Variants in MAST1 observed in about 807,000 individuals in gnomAD.
MAST1 encodes microtubule associated serine/threonine kinase 1.
Under a neutral mutation model 124.6 loss-of-function variants are expected in MAST1, and 40 were observed. The ratio of observed to expected loss-of-function variants is 0.32; its 90% CI spans 0.25 to 0.42. MAST1 has a LOEUF of 0.42. Ranked by LOEUF, MAST1 falls within the 10% of genes least tolerant of loss-of-function variation. MAST1 has a pLI of 1.00. For missense variants in MAST1, 1,558 were observed against 2,181.9 expected (o/e 0.71, Z 5.70); for synonymous variants, 938 against 939.4 (o/e 1.00, Z 0.03).
At position 12,866,777 on chromosome 19, in the gene MAST1, G is replaced by T; in HGVS notation, c.2139+15G>T. On this transcript the variant is annotated intron_variant, in intron 18 of 25. Coordinates refer to ENST00000251472, the MANE Select transcript of MAST1 (RefSeq NM_014975.3). This position sits in a 1 kb window ranked among gnomAD's most constrained non-coding sequence, Gnocchi z 5.2. ...GCTTCAGCAAGGTGGGCCAAGTCTG[G>T]GTGTGGGACAGGGCGAGACCCCAGG... is the stretch of plus-strand genomic sequence containing the variant. 6.2e-7 allele frequency: 1 copy of T among 1,605,644 alleles called. No individual in the cohort carries two copies. The highest frequency in any genetic ancestry group is 1.3e-5 in the African/African-American group (1 of 74,784).
Position 12,865,843 on chromosome 19 carries a change from G to A in MAST1, c.1906+25G>A, listed in dbSNP as rs1568413451. 3 of 1,607,426 alleles carry A rather than the reference G, an allele frequency of 1.9e-6. No individual in the cohort carries two copies. Among genetic ancestry groups the A allele is most frequent in the Admixed American group, 1.7e-5 (1 of 59,492 alleles). On this transcript the variant is annotated intron_variant, in intron 16 of 25. Transcript: ENST00000251472. This position sits in a 1 kb window ranked among gnomAD's most constrained non-coding sequence, Gnocchi z 7.1. Reference sequence around the variant, plus strand: ...GGTAAGTCCGCCATGCAGAGGAGCTGAGGGCCCACTGATAGAGAGCAGGCC... The same window carrying A: ...GGTAAGTCCGCCATGCAGAGGAGCTAAGGGCCCACTGATAGAGAGCAGGCC...
chr19:12,865,375 G>A lies in MAST1; in HGVS notation c.1698G>A (p.Lys566=), dbSNP rs1484325796. 5.6e-6 allele frequency: 9 copies of A among 1,612,064 alleles called. No individual in the cohort carries two copies. Among genetic ancestry groups the A allele is most frequent in the Non-Finnish European group, 7.6e-6 (9 of 1,179,020 alleles). The change falls in exon 15 of 26, where the codon AAG becomes AAA. Residue 566 remains lysine, a synonymous_variant. Coordinates refer to ENST00000251472, the MANE Select transcript of MAST1 (RefSeq NM_014975.3). This position sits in a 1 kb window ranked among gnomAD's most constrained non-coding sequence, Gnocchi z 7.1. ...TCATCCTGCGTCAAGGCTACGGCAA[G>A]CCAGTGGACTGGTGGGCTATGGGGA... ...PEVILRQGYG[K]PVDWWAMGII... is the part of the protein sequence containing the mutation.
chr19:12,853,871 AAAT>A (rs58815071), intron 10 of MAST1, among the ~76,000 whole-genome samples: 30,301 of 142,636 alleles, frequency 0.21, 3,739 homozygotes, highest in Non-Finnish European at 0.28. Context: ...CTCTGTCTCA[AAAT>A]AATAATAATA....
rs1403100631 is a variant in MAST1, at chr19:12,858,419, CT to C, written c.1136del (p.Leu379ProfsTer2). 4 of 1,613,868 alleles carry C rather than the reference CT, an allele frequency of 2.5e-6. No homozygotes were observed. The highest frequency in any genetic ancestry group is 3.4e-6 in the Non-Finnish European group (4 of 1,179,992). Reference sequence around the variant, plus strand: ...GGAGAATGACTTCGATACCATCAAGCTCATAAGCAACGGTGCCTACGGGTGA... The same window carrying C: ...GGAGAATGACTTCGATACCATCAAGCCATAAGCAACGGTGCCTACGGGTGA... ...PGENDFDTIKLISNGAYGAVY... is the reference protein window; with the variant it reads ...PGENDFDTIKXISNGAYGAVY... On this transcript the variant is annotated frameshift_variant, in exon 11 of 26. Transcript: ENST00000251472. LOFTEE classifies it high-confidence loss of function.
chr19:12,856,589 G>A (rs1445271592), intron 10 of MAST1, among the ~76,000 whole-genome samples: 1 of 152,146 alleles, frequency 6.6e-6, no homozygotes, highest in Non-Finnish European at 1.5e-5. Flanking sequence ...GCAGGTGTGA[G>A]CCACCACACC....
chr19:12,852,985 T>A (rs1211141671), intron 10 of MAST1, among the ~76,000 whole-genome samples: 1 of 151,792 alleles, frequency 6.6e-6, no homozygotes, highest in Non-Finnish European at 1.5e-5. Flanking sequence ...TTATTTATTT[T>A]TTGAGATGGA....
At position 12,868,103 on chromosome 19, in the gene MAST1, A is replaced by ATTTTTTTTTTTT. The variant is rs34988246; in HGVS notation, c.2566+138_2566+149dup. ...GGTCCTATTCACATTGCAATTTGGG[A>ATTTTTTTTTTTT]TTTTTTTTTTTTTTTTTTTTTTTGA... On this transcript the variant is annotated intron_variant, in intron 20 of 25. Transcript: ENST00000251472. 1,228 of 321,902 alleles carry ATTTTTTTTTTTT rather than the reference A, an allele frequency of 3.8e-3. 99 individuals carry two copies. Among genetic ancestry groups the ATTTTTTTTTTTT allele is most frequent in the African/African-American group, 0.02 (486 of 23,760 alleles). The allele number at this position is 321,902 out of a possible 1,614,324, so 19.9% of individuals were successfully genotyped here.
intron 12 of MAST1, among the ~76,000 whole-genome samples, chr19:12,860,484 C>T (rs1970067285): frequency 1.5e-5 from 2 of 129,470 alleles, no homozygotes; most frequent in African/African-American, 2.9e-5. Flanking sequence ...CTTGCTCTGT[C>T]ACCAGGCTCG....
At position 12,838,845 on chromosome 19, in the gene MAST1, G is replaced by T. The variant is rs1482494112; in HGVS notation, c.83+190G>T. ...TGGGCCGAGTCTGGGGGGCTTGCAC[G>T]CTGGAGAGGACGGCCGCGGGGGGAG... On this transcript the variant is annotated intron_variant, in intron 1 of 25. Coordinates refer to ENST00000251472, the MANE Select transcript of MAST1 (RefSeq NM_014975.3). This position sits in a 1 kb window ranked among gnomAD's most constrained non-coding sequence, Gnocchi z 4.3. Among the ~76,000 whole-genome samples the T allele has an allele frequency of 6.6e-6, 1 of 151,462 alleles. No homozygotes were observed. The highest frequency in any genetic ancestry group is 6.6e-5 in the Admixed American group (1 of 15,218).
chr19:12,869,425 G>A, intron 22 of MAST1, 130 bp downstream of exon 22: 5 of 703,382 alleles, frequency 7.1e-6, no homozygotes, highest in Non-Finnish European at 1.2e-5. Context: ...CTCTAAACCT[G>A]TTTCTTTTTT....
chr19:12,845,411 C>CAAAAAAAAAA lies in MAST1; in HGVS notation c.327+1818_327+1827dup, dbSNP rs540488398. Among the ~76,000 whole-genome samples the CAAAAAAAAAA allele has an allele frequency of 4.0e-3, 273 of 69,082 alleles. 16 individuals carry two copies. Among genetic ancestry groups the CAAAAAAAAAA allele is most frequent in the East Asian group, 0.03 (57 of 1,910 alleles). The allele number at this position is 69,082 out of a possible 152,430, so 45.3% of individuals were successfully genotyped here. A position where few individuals can be genotyped will look rare whatever the true frequency, so the allele number is the denominator to read the frequency against. ...GCAACGTGATGAAACCCTGTTTCTA[C>CAAAAAAAAAA]AAAAAAAAAAAAAAAAAAAAAAATT... On this transcript the variant is annotated intron_variant, in intron 4 of 25. Coordinates refer to ENST00000251472, the MANE Select transcript of MAST1 (RefSeq NM_014975.3).
rs774442340 is a variant in MAST1 at position 12,843,487 on chromosome 19, G to T, written c.249-42G>T. ...CCACACCCTGAGGAGTTGGGGGACCGCTGGGGCCTTGTGGCCTCTGAGCAC... is the reference window on the plus strand; with the variant it reads ...CCACACCCTGAGGAGTTGGGGGACCTCTGGGGCCTTGTGGCCTCTGAGCAC... On this transcript the variant is annotated intron_variant, in intron 3 of 25. Coordinates refer to ENST00000251472, the MANE Select transcript of MAST1 (RefSeq NM_014975.3). The surrounding 1 kb of genome is among the most constrained non-coding windows in gnomAD (Gnocchi z 4.9). The T allele has an allele frequency of 3.0e-5, 47 of 1,553,354 alleles. 2 individuals are homozygous for T. In the South Asian group the frequency reaches 4.9e-4, roughly 16 times the overall value.
At position 12,858,678 on chromosome 19, in the gene MAST1, C is replaced by A; in HGVS notation, c.1305C>A (p.Val435=). 6.2e-7 allele frequency: 1 copy of A among 1,614,202 alleles called. No homozygotes were observed. The highest frequency in any genetic ancestry group is 8.5e-7 in the Non-Finnish European group (1 of 1,180,048). Residue 435 remains valine (V), a synonymous_variant, in exon 12 of 26, where the codon GTC becomes GTA. Transcript: ENST00000251472. ...CCTTCGCCGAGAACCCGTTTGTGGTCGGCATGTTCTGCTCCTTTGAGACTC... is the reference window on the plus strand; with the variant it reads ...CCTTCGCCGAGAACCCGTTTGTGGTAGGCATGTTCTGCTCCTTTGAGACTC... The part of the protein sequence containing the change: ...ILTFAENPFV[V]GMFCSFETRR...
At position 12,866,685 on chromosome 19, in the gene MAST1, T is replaced by C. The variant is rs1322915859; in HGVS notation, c.2062T>C (p.Tyr688His). Reference protein sequence around the residue: ...RSDRYHHVNSYDEDDTTEEEP... With the variant: ...RSDRYHHVNSHDEDDTTEEEP... ...AGACAGGTATCACCACGTGAACTCC[T>C]ATGACGAGGATGACACGACGGAGGA... Residue 688 changes from tyrosine to histidine, a missense_variant, in exon 18 of 26, where the codon TAT (tyrosine) becomes CAT (histidine). By Grantham distance (83) the Tyr-to-His change is moderately conservative (BLOSUM62 2). This residue lies in a region of MAST1 where 287 missense variants were observed against 308.0 expected (regional missense o/e 0.93). Transcript: ENST00000251472. The surrounding 1 kb of genome is among the most constrained non-coding windows in gnomAD (Gnocchi z 5.2). 1.2e-6 allele frequency: 2 copies of C among 1,613,754 alleles called. No individual in the cohort carries two copies. Among genetic ancestry groups the C allele is most frequent in the African/African-American group, 1.3e-5 (1 of 74,892 alleles).
intron 12 of MAST1, among the ~76,000 whole-genome samples, chr19:12,861,149 A>G (rs187082220): frequency 8.8e-4 from 134 of 152,104 alleles, no homozygotes; most frequent in African/African-American, 3.2e-3. Context: ...AGCAACCTCC[A>G]TCTCCCAGGC....
intron 7 of MAST1, chr19:12,848,371 G>A (rs1969922300): frequency 3.2e-6 from 1 of 312,786 alleles, no homozygotes; most frequent in Admixed American, 4.8e-5. Flanking sequence ...TGTAATCCCA[G>A]CACTTTGGGA....
rs1970169135 is a variant in MAST1, at chr19:12,867,457, CCCA to C, written c.2140-8_2140-6del. ...AGTGGAACCCGGGCTGGACTTGCCT[CCCA>C]CCACCACCTACAGGTGTATAGCAGC... On this transcript the variant is annotated splice_polypyrimidine_tract_variant and intron_variant, in intron 18 of 25. Coordinates refer to ENST00000251472, the MANE Select transcript of MAST1 (RefSeq NM_014975.3). 3 of 1,612,164 alleles carry C rather than the reference CCCA, an allele frequency of 1.9e-6. No individual in the cohort carries two copies. Among genetic ancestry groups the C allele is most frequent in the East Asian group, 2.2e-5 (1 of 44,862 alleles).
At chr19:12,844,132 A>G (rs1969863849) in intron 4 of MAST1, among the ~76,000 whole-genome samples, 1 of 152,154 alleles carries the variant, frequency 6.6e-6, no homozygotes, top group South Asian at 2.1e-4. Context: ...CATTTCTGGG[A>G]GGGTCCTTCC....
intron 25 of MAST1, 48 bp downstream of exon 25, chr19:12,873,559 T>C: frequency 6.3e-7 from 1 of 1,581,470 alleles, no homozygotes; most frequent in Non-Finnish European, 8.6e-7. Context: ...CGGGGTGGCC[T>C]GGCTGGTGCT....
Sources: allele counts gnomAD v4.1 joint callset (sites outside exome capture counted in the v4.1 genomes callset), GRCh38; gene constraint gnomAD v4.1.1; regional missense constraint gnomAD v4.1.1; non-coding constraint Gnocchi (gnomAD v3.1); transcripts MANE v1.5; gene names NCBI Gene and HGNC (gene_info 2026-07-23, HGNC 2026-07-21).